Variants in PALM2AKAP2 observed in about 807,000 individuals in gnomAD.
The protein encoded by PALM2AKAP2 is PALM2-AKAP2 fusion protein.
PALM2AKAP2 carries 37 observed loss-of-function variants against 71.5 expected under a neutral mutation model. The observed-to-expected ratio is 0.52, with a 90% confidence interval of 0.40 to 0.68. The LOEUF (loss-of-function observed/expected upper bound fraction) is 0.68, where lower values mean the gene tolerates loss of function less well. Ranked by LOEUF, PALM2AKAP2 falls within the 30% of genes least tolerant of loss-of-function variation. PALM2AKAP2 has a pLI of 0.00. For synonymous variants in PALM2AKAP2, 468 were observed against 478.8 expected (o/e 0.98, Z 0.29); for missense variants, 1,224 against 1,191.8 (o/e 1.03, Z -0.40).
chr9:109,673,614 A>G (rs1827606985), intron 1 of PALM2AKAP2, among the ~76,000 whole-genome samples: 1 of 151,964 alleles, frequency 6.6e-6, no homozygotes, highest in Non-Finnish European at 1.5e-5. Context: ...TGTCATTTCC[A>G]TTTAATCGAG....
chr9:109,807,679 G>A (rs1827616937), intron 1 of PALM2AKAP2, among the ~76,000 whole-genome samples: 1 of 152,072 alleles, frequency 6.6e-6, no homozygotes, highest in South Asian at 2.1e-4. Flanking sequence ...GACATGGAGG[G>A]AGAAAATCAA....
intron 1 of PALM2AKAP2, among the ~76,000 whole-genome samples, chr9:109,725,327 A>C (rs1193837323): frequency 6.6e-6 from 1 of 152,184 alleles, no homozygotes; most frequent in Admixed American, 6.5e-5. Context: ...ATATTGTATC[A>C]AAATATTTGT....
In PALM2AKAP2 at chr9:109,691,881, CATATAT is replaced by C. The variant is rs1184403919; in HGVS notation, c.5+51031_5+51036del. 1.6e-3 allele frequency among the ~76,000 whole-genome samples: 74 copies of C among 46,492 alleles called. 3 individuals are homozygous for C. Among genetic ancestry groups the C allele is most frequent in the African/African-American group, 4.8e-3 (71 of 14,870 alleles). 30.5% of individuals were successfully genotyped at this position (46,492 alleles called of 152,430 possible). On this transcript the variant is annotated intron_variant, in intron 1 of 6. Transcript: ENST00000374531. ...ATATATATATATACACACACACACA[CATATAT>C]ATATATATATATATACACACACACA...
At chr9:109,980,605 C>T (rs907428817) in intron 6 of PALM2AKAP2, among the ~76,000 whole-genome samples, 3 of 152,172 alleles carry the variant, frequency 2.0e-5, no homozygotes, top group Admixed American at 2.0e-4. Flanking sequence ...CTATGACGAC[C>T]TAATGCAGGC....
chr9:109,865,761 A>G (rs1829432915), intron 1 of PALM2AKAP2, among the ~76,000 whole-genome samples: 1 of 152,238 alleles, frequency 6.6e-6, no homozygotes. Context: ...TAGGACAACT[A>G]CATATCTTGA....
intron 7 of PALM2AKAP2, chr9:110,025,504 A>G (rs917516046): frequency 1.7e-6 from 1 of 599,498 alleles, no homozygotes; most frequent in South Asian, 2.0e-5. Context: ...GGATAGTCAC[A>G]TGTAAGCCTT....
intron 2 of PALM2AKAP2, among the ~76,000 whole-genome samples, chr9:109,869,278 T>G (rs1829539685): frequency 6.6e-6 from 1 of 152,188 alleles, no homozygotes; most frequent in African/African-American, 2.4e-5. Flanking sequence ...TTATTGCTGA[T>G]GTCCAGTGCA....
At chr9:109,877,799 G>C (rs1285332540) in intron 2 of PALM2AKAP2, among the ~76,000 whole-genome samples, 1 of 152,184 alleles carries the variant, frequency 6.6e-6, no homozygotes, top group Non-Finnish European at 1.5e-5. Flanking sequence ...AGCTCAGGCT[G>C]TTAGCCACTG....
chr9:109,758,587 T>C (rs991114074), intron 1 of PALM2AKAP2, among the ~76,000 whole-genome samples: 13 of 146,732 alleles, frequency 8.9e-5, no homozygotes, highest in African/African-American at 3.1e-4. Context: ...TAAATAATAA[T>C]GTATTTGTAT....
chr9:109,852,156 G>A (rs1829038274), intron 1 of PALM2AKAP2, among the ~76,000 whole-genome samples: 2 of 152,100 alleles, frequency 1.3e-5, no homozygotes, highest in South Asian at 4.1e-4. Flanking sequence ...TTTGTTACAT[G>A]AGTATATTGT....
chr9:109,743,373 A>C (rs186888425), intron 1 of PALM2AKAP2, among the ~76,000 whole-genome samples: 6,401 of 152,074 alleles, frequency 0.042, 186 homozygotes, highest in Non-Finnish European at 0.053. Flanking sequence ...TAGGAGCAAT[A>C]CCCCACCCGT....
intron 3 of PALM2AKAP2, among the ~76,000 whole-genome samples, chr9:109,913,274 G>A (rs1830612599): frequency 6.6e-6 from 1 of 152,200 alleles, no homozygotes; most frequent in African/African-American, 2.4e-5. Flanking sequence ...GCACTGCAAG[G>A]CTGGAAAGGT....
At chr9:109,822,796 C>G (rs1410836887) in intron 1 of PALM2AKAP2, among the ~76,000 whole-genome samples, 5 of 152,124 alleles carry the variant, frequency 3.3e-5, no homozygotes, top group Non-Finnish European at 7.3e-5. Context: ...GATTCCATGT[C>G]TTTGCTGTTG....
At chr9:109,720,271 G>C (rs945592902) in intron 1 of PALM2AKAP2, among the ~76,000 whole-genome samples, 1 of 152,170 alleles carries the variant, frequency 6.6e-6, no homozygotes, top group Admixed American at 6.5e-5. Flanking sequence ...TTACAGGCAT[G>C]AGCTGCTGTG....
chr9:109,780,380 T>C (rs1829421542), upstream of PALM2AKAP2: 1 of 1,601,258 alleles, frequency 6.2e-7, no homozygotes, highest in African/African-American at 1.3e-5. Context: ...TCCCTGGGCG[T>C]TCTCCCGGGT....
intron 6 of PALM2AKAP2, chr9:109,943,328 A>G: frequency 4.3e-6 from 7 of 1,614,216 alleles, no homozygotes; most frequent in Non-Finnish European, 5.9e-6. Flanking sequence ...GACACCACAG[A>G]GCCCTCATCC....
upstream of PALM2AKAP2, among the ~76,000 whole-genome samples, chr9:109,778,415 C>A (rs1481201461): frequency 6.9e-6 from 1 of 145,020 alleles, no homozygotes; most frequent in South Asian, 2.1e-4. Context: ...TGTGAGCAAA[C>A]CCCTTTAAAT....
At chr9:109,793,831 A>T (rs940951230) in intron 1 of PALM2AKAP2, among the ~76,000 whole-genome samples, 1 of 152,268 alleles carries the variant, frequency 6.6e-6, no homozygotes, top group Non-Finnish European at 1.5e-5. Flanking sequence ...AAATGTCAGC[A>T]TCCATAAATA....
chr9:109,710,035 A>G (rs148351091), intron 1 of PALM2AKAP2, among the ~76,000 whole-genome samples: 1 of 152,334 alleles, frequency 6.6e-6, no homozygotes, highest in African/African-American at 2.4e-5. Flanking sequence ...GAAGAAGGCC[A>G]TTTGATGATG....
Sources: allele counts gnomAD v4.1 joint callset (sites outside exome capture counted in the v4.1 genomes callset), GRCh38; gene constraint gnomAD v4.1.1; transcripts MANE v1.5; gene names NCBI Gene and HGNC (gene_info 2026-07-23, HGNC 2026-07-21).